Variants in CNTNAP2 observed in about 807,000 individuals in gnomAD.
CNTNAP2 encodes contactin-associated protein-like 2.
CNTNAP2 carries 98 observed loss-of-function variants against 155.2 expected under a neutral mutation model. That is an observed-to-expected ratio of 0.63 (90% CI 0.54 to 0.75). CNTNAP2 has a LOEUF of 0.75. CNTNAP2 is among the 30% of genes least tolerant of loss of function. The pLI is 0.00. For synonymous variants in CNTNAP2, 651 were observed against 631.2 expected, an observed-to-expected ratio of 1.03 and a Z score of -0.47; for missense variants, 1,727 against 1,688.1, an observed-to-expected ratio of 1.02 and a Z score of -0.40.
intron 20 of CNTNAP2, among the ~76,000 whole-genome samples, chr7:148,245,931 C>T (rs1201462990): frequency 2.6e-5 from 4 of 152,188 alleles, no homozygotes; most frequent in Non-Finnish European, 4.4e-5. Context: ...TCTCCCATCC[C>T]TCTCCACCTT....
intron 8 of CNTNAP2, among the ~76,000 whole-genome samples, chr7:147,156,825 A>T (rs1209646825): frequency 6.6e-6 from 1 of 152,142 alleles, no homozygotes; most frequent in African/African-American, 2.4e-5. Flanking sequence ...TAATTATGGC[A>T]TCTTCCTAGA....
At chr7:147,606,902 C>T (rs1212198549) in intron 12 of CNTNAP2, among the ~76,000 whole-genome samples, 2 of 126,458 alleles carry the variant, frequency 1.6e-5, no homozygotes, top group Non-Finnish European at 3.3e-5. Context: ...TTTAGAGGCA[C>T]TTGAATATTT....
intron 1 of CNTNAP2, among the ~76,000 whole-genome samples, chr7:146,363,982 G>A (rs1469107425): frequency 6.6e-6 from 1 of 152,042 alleles, no homozygotes; most frequent in Non-Finnish European, 1.5e-5. Context: ...ATGGAAGAGG[G>A]ACATTCTTTG....
At chr7:148,092,644 C>T (rs781157191) in intron 15 of CNTNAP2, among the ~76,000 whole-genome samples, 9 of 152,100 alleles carry the variant, frequency 5.9e-5, no homozygotes, top group Admixed American at 3.9e-4. Context: ...TAAAAATCCT[C>T]CATGGTGAGC....
intron 15 of CNTNAP2, among the ~76,000 whole-genome samples, chr7:148,082,388 C>T (rs1162015281): frequency 6.6e-6 from 1 of 152,132 alleles, no homozygotes; most frequent in Non-Finnish European, 1.5e-5. Flanking sequence ...AGGTTTTTCT[C>T]TTATGAGTTA....
chr7:146,497,430 A>C, intron 1 of CNTNAP2, among the ~76,000 whole-genome samples: 1 of 152,152 alleles, frequency 6.6e-6, no homozygotes, highest in East Asian at 1.9e-4. Context: ...TAAATAAGTC[A>C]TATTTTAATA....
At chr7:147,239,882 C>T (rs1413501396) in intron 8 of CNTNAP2, among the ~76,000 whole-genome samples, 2 of 152,184 alleles carry the variant, frequency 1.3e-5, no homozygotes, top group African/African-American at 2.4e-5. Flanking sequence ...AGCTCCAAGT[C>T]GTAATGCATC....
intron 13 of CNTNAP2, among the ~76,000 whole-genome samples, chr7:147,810,707 G>A (rs1387751052): frequency 2.6e-5 from 4 of 152,146 alleles, no homozygotes; most frequent in Non-Finnish European, 4.4e-5. Context: ...TGTTACAAAT[G>A]TTATTTTGAT....
chr7:146,420,256 A>G (rs1009127871), intron 1 of CNTNAP2, among the ~76,000 whole-genome samples: 2 of 152,084 alleles, frequency 1.3e-5, no homozygotes, highest in Non-Finnish European at 2.9e-5. Context: ...CATCTATTGG[A>G]ATCTCACCTT....
At chr7:146,874,501 G>A (rs527499765) in intron 3 of CNTNAP2, among the ~76,000 whole-genome samples, 2 of 152,088 alleles carry the variant, frequency 1.3e-5, no homozygotes, top group East Asian at 3.9e-4. Flanking sequence ...CATCATGCCT[G>A]GCTAATTTTT....
chr7:148,090,823 A>G (rs1003463403), intron 15 of CNTNAP2, among the ~76,000 whole-genome samples: 3 of 152,138 alleles, frequency 2.0e-5, no homozygotes, highest in Admixed American at 1.3e-4. Context: ...ATTATTCACA[A>G]TCGCTAAGAT....
chr7:146,709,154 A>G (rs1267890540), intron 1 of CNTNAP2, among the ~76,000 whole-genome samples: 1 of 152,146 alleles, frequency 6.6e-6, no homozygotes, highest in African/African-American at 2.4e-5. Context: ...TTTTTTCCAT[A>G]TTATAGAAAC....
At chr7:148,281,656 T>A (rs762292683) in intron 21 of CNTNAP2, among the ~76,000 whole-genome samples, 6 of 152,214 alleles carry the variant, frequency 3.9e-5, no homozygotes, top group Non-Finnish European at 7.3e-5. Flanking sequence ...TCTTTTTTAA[T>A]TGCATTGACT....
At chr7:147,028,240 A>T (rs140647413) in intron 3 of CNTNAP2, among the ~76,000 whole-genome samples, 3 of 152,188 alleles carry the variant, frequency 2.0e-5, no homozygotes, top group African/African-American at 4.8e-5. Context: ...AGTGCAGAAG[A>T]CTAATTGTAG....
chr7:148,094,398 G>T (rs577409708), intron 15 of CNTNAP2, among the ~76,000 whole-genome samples: 9 of 152,316 alleles, frequency 5.9e-5, no homozygotes, highest in African/African-American at 1.9e-4. Context: ...AAGAAGAAAA[G>T]AAGGAAGACA....
chr7:147,898,523 T>A (rs2708269), intron 13 of CNTNAP2, among the ~76,000 whole-genome samples: 83,528 of 151,452 alleles, frequency 0.55, 23,234 homozygotes, highest in Middle Eastern at 0.72. Flanking sequence ...TATACCCAGA[T>A]TTTTTTTTCT....
chr7:146,829,083 A>G (rs557212824), intron 2 of CNTNAP2, among the ~76,000 whole-genome samples: 1 of 152,172 alleles, frequency 6.6e-6, no homozygotes, highest in East Asian at 1.9e-4. Context: ...AAAACAAATT[A>G]ACATCCTTAA....
chr7:146,140,863 G>A (rs948891542), intron 1 of CNTNAP2, among the ~76,000 whole-genome samples: 1 of 152,066 alleles, frequency 6.6e-6, no homozygotes, highest in African/African-American at 2.4e-5. Flanking sequence ...TATGAAGGGG[G>A]TGGTGGCTGT....
intron 1 of CNTNAP2, among the ~76,000 whole-genome samples, chr7:146,245,963 T>C (rs1799642028): frequency 7.2e-6 from 1 of 139,058 alleles, no homozygotes; most frequent in Non-Finnish European, 1.5e-5. Flanking sequence ...CAAAACAATT[T>C]GGTTGATAAG....
Sources: allele counts gnomAD v4.1 joint callset (sites outside exome capture counted in the v4.1 genomes callset), GRCh38; gene constraint gnomAD v4.1.1; transcripts MANE v1.5; gene names NCBI Gene and HGNC (gene_info 2026-07-23, HGNC 2026-07-21).